PKIB: variants seen among roughly 807,000 people sequenced by gnomAD.
PKIB encodes cAMP-dependent protein kinase inhibitor beta.
Under a neutral mutation model 4.5 loss-of-function variants are expected in PKIB, and 2 were observed. That is an observed-to-expected ratio of 0.44 (90% CI 0.18 to 1.39). The LOEUF (loss-of-function observed/expected upper bound fraction) is 1.39, where lower values mean the gene tolerates loss of function less well. Among genes scored for constraint, PKIB ranks in the 40% most tolerant of loss-of-function variants. The pLI, the probability that PKIB is intolerant of heterozygous loss-of-function variation, is 0.27. For missense variants in PKIB, 94 were observed against 92.6 expected, an observed-to-expected ratio of 1.02 and a Z score of -0.06; for synonymous variants, 38 against 36.0, an observed-to-expected ratio of 1.06 and a Z score of -0.20.
At chr6:122,708,740 T>C (rs9490527) in intron 3 of PKIB, among the ~76,000 whole-genome samples, 50,540 of 152,040 alleles carry the variant, frequency 0.33, 9,806 homozygotes, top group South Asian at 0.58. Flanking sequence ...TTCAAGTGAT[T>C]CTACTGCCTC....
intron 2 of PKIB, among the ~76,000 whole-genome samples, chr6:122,539,273 A>T (rs1414640152): frequency 1.3e-5 from 2 of 151,992 alleles, no homozygotes; most frequent in African/African-American, 4.8e-5. Context: ...TTTCAAAGGG[A>T]ATGCTTCCAG....
chr6:122,537,858 A>G (rs2114629502), intron 2 of PKIB, among the ~76,000 whole-genome samples: 1 of 151,884 alleles, frequency 6.6e-6, no homozygotes, highest in Middle Eastern at 3.4e-3. Context: ...TGACTTTTTA[A>G]TGATCGCCAT....
intron 3 of PKIB, among the ~76,000 whole-genome samples, chr6:122,715,538 A>G (rs904621024): frequency 3.4e-4 from 52 of 152,010 alleles, no homozygotes; most frequent in African/African-American, 1.2e-3. Context: ...ATAACCAAAC[A>G]TTCAAACTAG....
At chr6:122,690,920 A>G (rs1778309338) in intron 3 of PKIB, among the ~76,000 whole-genome samples, 2 of 44,756 alleles carry the variant, frequency 4.5e-5, no homozygotes, top group African/African-American at 1.1e-4. Flanking sequence ...TGAAGGATAT[A>G]TATATATATA....
At chr6:122,642,057 A>AT (rs1394806378) in intron 2 of PKIB, among the ~76,000 whole-genome samples, 1 of 152,214 alleles carries the variant, frequency 6.6e-6, no homozygotes, top group Non-Finnish European at 1.5e-5. Flanking sequence ...GATTGATTAT[A>AT]TAACAAGAGA....
At chr6:122,527,312 T>A (rs1016703214) in intron 2 of PKIB, among the ~76,000 whole-genome samples, 5 of 149,678 alleles carry the variant, frequency 3.3e-5, no homozygotes, top group Admixed American at 3.3e-4. Context: ...TTTATAAGAA[T>A]TTTTTTTTTG....
At chr6:122,698,092 A>G (rs910280661) in intron 3 of PKIB, among the ~76,000 whole-genome samples, 1 of 152,072 alleles carries the variant, frequency 6.6e-6, no homozygotes, top group Non-Finnish European at 1.5e-5. Context: ...CTTGGGTTCT[A>G]TTCTTTATCA....
chr6:122,675,793 G>A (rs1190261841), intron 3 of PKIB, among the ~76,000 whole-genome samples: 1 of 151,772 alleles, frequency 6.6e-6, no homozygotes, highest in East Asian at 1.9e-4. Flanking sequence ...GAAACTGTAA[G>A]TGAAAAAAAA....
intron 3 of PKIB, among the ~76,000 whole-genome samples, chr6:122,596,756 C>T (rs1019435343): frequency 1.3e-5 from 2 of 152,184 alleles, no homozygotes; most frequent in African/African-American, 4.8e-5. Flanking sequence ...AACAGCATCC[C>T]TAGTTGCCAC....
intron 2 of PKIB, among the ~76,000 whole-genome samples, chr6:122,495,341 G>GC (rs1344248672): frequency 6.6e-6 from 1 of 152,122 alleles, no homozygotes; most frequent in Non-Finnish European, 1.5e-5. Context: ...CAGCTGCCCT[G>GC]CCCCCACCTG....
chr6:122,499,127 C>T (rs1297291449), intron 2 of PKIB, among the ~76,000 whole-genome samples: 6 of 152,106 alleles, frequency 3.9e-5, no homozygotes, highest in Non-Finnish European at 8.8e-5. Context: ...CCTAATTCTA[C>T]CAGACATACA....
chr6:122,532,196 G>A (rs747307221), intron 2 of PKIB, among the ~76,000 whole-genome samples: 47 of 152,178 alleles, frequency 3.1e-4, no homozygotes, highest in Non-Finnish European at 5.1e-4. Flanking sequence ...GAAAAATAAA[G>A]TATCTACATG....
intron 2 of PKIB, among the ~76,000 whole-genome samples, chr6:122,665,881 A>G (rs1777203775): frequency 6.6e-6 from 1 of 152,168 alleles, no homozygotes; most frequent in Non-Finnish European, 1.5e-5. Context: ...CTTCTAAAGC[A>G]CAGTTTTTCC....
chr6:122,598,237 T>C (rs1774238815), intron 3 of PKIB, among the ~76,000 whole-genome samples: 2 of 152,220 alleles, frequency 1.3e-5, no homozygotes, highest in South Asian at 4.1e-4. Flanking sequence ...TTCTGTCCAT[T>C]CGACCTAGAA....
intron 2 of PKIB, among the ~76,000 whole-genome samples, chr6:122,642,063 A>G (rs1306712849): frequency 1.3e-5 from 2 of 152,220 alleles, no homozygotes; most frequent in Admixed American, 6.5e-5. Context: ...TTATATAACA[A>G]GAGACCTCCC....
chr6:122,580,277 T>C (rs1773666657), intron 2 of PKIB, among the ~76,000 whole-genome samples: 1 of 152,128 alleles, frequency 6.6e-6, no homozygotes, highest in Non-Finnish European at 1.5e-5. Context: ...TCTTAAATTA[T>C]AAATTACAGA....
At chr6:122,576,459 G>A (rs1317335113) in intron 2 of PKIB, among the ~76,000 whole-genome samples, 1 of 151,814 alleles carries the variant, frequency 6.6e-6, no homozygotes, top group Non-Finnish European at 1.5e-5. Context: ...ACGAGGTCAG[G>A]AGATCAAGAC....
chr6:122,691,491 G>A (rs11154109), intron 3 of PKIB, among the ~76,000 whole-genome samples: 72,997 of 151,952 alleles, frequency 0.48, 18,294 homozygotes, highest in Non-Finnish European at 0.56. Context: ...GCCTTCTTCA[G>A]TATGTCAATT....
At chr6:122,604,868 G>A (rs1774478102) in intron 3 of PKIB, among the ~76,000 whole-genome samples, 1 of 152,078 alleles carries the variant, frequency 6.6e-6, no homozygotes, top group Admixed American at 6.6e-5. Flanking sequence ...TGACTACAAT[G>A]GTAATGAAGG....
Sources: gnomAD v4.1 joint callset for allele counts (sites outside exome capture counted in the v4.1 genomes callset) on GRCh38, gnomAD v4.1.1 for gene constraint, MANE v1.5 for transcripts, NCBI Gene and HGNC (gene_info 2026-07-23, HGNC 2026-07-21) for gene names.